FAM13B: variants seen among roughly 807,000 people sequenced by gnomAD.
FAM13B encodes family with sequence similarity 13 member B.
A neutral mutation model predicts 117.3 loss-of-function variants in FAM13B; 60 were observed. The ratio of observed to expected loss-of-function variants is 0.51; its 90% CI spans 0.42 to 0.63. The LOEUF (loss-of-function observed/expected upper bound fraction) is 0.63. Among genes scored for constraint, FAM13B ranks in the 30% least tolerant of loss-of-function variants. FAM13B has a pLI of 0.00. For synonymous variants in FAM13B, 332 were observed against 356.1 expected (o/e 0.93, Z 0.76); for missense variants, 972 against 1,091.9 (o/e 0.89, Z 1.55).
At chr5:137,951,929 A>G (rs1179460957) in intron 17 of FAM13B, among the ~76,000 whole-genome samples, 1 of 152,132 alleles carries the variant, frequency 6.6e-6, no homozygotes, top group Non-Finnish European at 1.5e-5. Flanking sequence ...GTGAGCTGAG[A>G]TGGCGTCACT....
chr5:137,954,118 G>A, intron 15 of FAM13B, 48 bp downstream of exon 15: 1 of 1,285,256 alleles, frequency 7.8e-7, no homozygotes, highest in Non-Finnish European at 1.1e-6. Context: ...CAAAAGACTT[G>A]GGTACATAAT....
chr5:138,033,547 C>T (rs1036288898), upstream of FAM13B, among the ~76,000 whole-genome samples: 6 of 152,200 alleles, frequency 3.9e-5, no homozygotes, highest in Non-Finnish European at 7.3e-5. Flanking sequence ...CTGCCCGCCC[C>T]CACCCTACCC....
rs539224314 is a variant in FAM13B, at chr5:137,963,565, G to C, written c.1180-1096C>G. ...TCAATATTTTTAAGAGTATGAATGAGTCCCTGAGACCCAAAGTGTGAGAAC... is the reference window on the plus strand; with the variant it reads ...TCAATATTTTTAAGAGTATGAATGACTCCCTGAGACCCAAAGTGTGAGAAC... On this transcript the variant is annotated intron_variant, in intron 10 of 23. Transcript: ENST00000689681. Among the ~76,000 whole-genome samples, 32 of 152,226 alleles carry C rather than the reference G, an allele frequency of 2.1e-4. No individual in the cohort carries two copies. In the South Asian group the frequency reaches 6.4e-3, roughly 31 times the overall value.
At chr5:138,043,916 G>C (rs768200142) in intron 1 of FAM13B, among the ~76,000 whole-genome samples, 16 of 151,290 alleles carry the variant, frequency 1.1e-4, no homozygotes, top group Non-Finnish European at 1.6e-4. Flanking sequence ...TGAAAAGGGG[G>C]GTATTTTGGT....
chr5:137,961,668 T>G (rs904435906), intron 11 of FAM13B, among the ~76,000 whole-genome samples: 1 of 152,106 alleles, frequency 6.6e-6, no homozygotes, highest in African/African-American at 2.4e-5. Context: ...TGTCAGCAAA[T>G]TAGTATACTG....
intron 9 of FAM13B, among the ~76,000 whole-genome samples, chr5:137,986,411 A>C (rs1777226868): frequency 8.0e-6 from 1 of 124,650 alleles, no homozygotes; most frequent in Admixed American, 9.1e-5. Context: ...AGATTTGGGT[A>C]CATTTTTCTC....
upstream of FAM13B, among the ~76,000 whole-genome samples, chr5:138,035,671 C>G (rs1239441282): frequency 6.6e-6 from 1 of 152,084 alleles, no homozygotes; most frequent in Non-Finnish European, 1.5e-5. Context: ...ATGTTTTCCT[C>G]TTTTTCAGCT....
chr5:137,966,801 T>C (rs1770109633), intron 10 of FAM13B, among the ~76,000 whole-genome samples: 1 of 152,206 alleles, frequency 6.6e-6, no homozygotes, highest in Admixed American at 6.5e-5. Flanking sequence ...CACACTCAAC[T>C]GATTTGAAAC....
intron 8 of FAM13B, 150 bp from the exon 9 acceptor site, chr5:137,987,766 C>T (rs1777598461): frequency 1.5e-6 from 1 of 662,056 alleles, no homozygotes; most frequent in African/African-American, 1.8e-5. Context: ...AAAAGGAATA[C>T]ATGATACTGG....
At chr5:137,997,764 C>T (rs1375667649) in intron 7 of FAM13B, among the ~76,000 whole-genome samples, 1 of 152,132 alleles carries the variant, frequency 6.6e-6, no homozygotes, top group Non-Finnish European at 1.5e-5. Flanking sequence ...AACATTTAAA[C>T]CACTGGTTCT....
chr5:137,965,084 G>A (rs1447799473), intron 10 of FAM13B, among the ~76,000 whole-genome samples: 1 of 152,088 alleles, frequency 6.6e-6, no homozygotes, highest in Non-Finnish European at 1.5e-5. Context: ...AGAATCACTT[G>A]AACCCAGTGG....
At chr5:137,940,549 T>C in intron 23 of FAM13B, 1 of 525,618 alleles carries the variant, frequency 1.9e-6, no homozygotes, top group South Asian at 2.7e-5. Context: ...ACTTCTCTAC[T>C]GATAGATTAA....
chr5:137,943,065 A>T, intron 21 of FAM13B, 27 bp from the exon 22 acceptor site: 1 of 1,612,996 alleles, frequency 6.2e-7, no homozygotes, highest in Non-Finnish European at 8.5e-7. Flanking sequence ...ACAGAGAATC[A>T]AACATGCCTT....
intron 17 of FAM13B, among the ~76,000 whole-genome samples, chr5:137,950,914 G>C (rs1764767116): frequency 6.6e-6 from 1 of 152,126 alleles, no homozygotes; most frequent in South Asian, 2.1e-4. Flanking sequence ...GGAGTTAAGA[G>C]ACATTATCTT....
At chr5:137,990,259 A>G (rs1159335693) in intron 7 of FAM13B, among the ~76,000 whole-genome samples, 1 of 152,034 alleles carries the variant, frequency 6.6e-6, no homozygotes, top group Admixed American at 6.6e-5. Flanking sequence ...TTTATTTTTA[A>G]TATCTAATTA....
intron 4 of FAM13B, among the ~76,000 whole-genome samples, chr5:138,013,817 T>C (rs1299835038): frequency 2.6e-5 from 4 of 152,208 alleles, no homozygotes; most frequent in African/African-American, 9.7e-5. Context: ...CTTGACAAAT[T>C]CTACCTAACA....
chr5:138,051,210 ATAT>A (rs1260593093), intron 1 of FAM13B, among the ~76,000 whole-genome samples: 1 of 152,184 alleles, frequency 6.6e-6, no homozygotes, highest in Non-Finnish European at 1.5e-5. Flanking sequence ...CTTTTTACAC[ATAT>A]TATTCCTTAG....
At chr5:138,010,888 A>G in intron 6 of FAM13B, 120 bp downstream of exon 6, 1 of 1,064,974 alleles carries the variant, frequency 9.4e-7, no homozygotes, top group Non-Finnish European at 1.3e-6. Flanking sequence ...AATAACCAAG[A>G]TAATTACTTC....
At chr5:138,032,625 G>T in intron 1 of FAM13B, 157 bp downstream of exon 1, 1 of 696,788 alleles carries the variant, frequency 1.4e-6, no homozygotes, top group Non-Finnish European at 1.8e-6. Flanking sequence ...CCCTCTCCAC[G>T]GAACGCCCCA....
Sources: allele counts gnomAD v4.1 joint callset (sites outside exome capture counted in the v4.1 genomes callset), GRCh38; gene constraint gnomAD v4.1.1; transcripts MANE v1.5; gene names NCBI Gene and HGNC (gene_info 2026-07-23, HGNC 2026-07-21).